CASP5: variants seen among roughly 807,000 people sequenced by gnomAD.
CASP5 encodes the protein caspase-5.
In CASP5, 42 loss-of-function variants were observed where a neutral mutation model predicts 45.2. That is an observed-to-expected ratio of 0.93 (90% confidence interval 0.73 to 1.20). The LOEUF is 1.20. Ranked by LOEUF, CASP5 falls within the 50% of genes most tolerant of loss-of-function variation. CASP5 has a pLI of 0.00. For synonymous variants in CASP5, 209 were observed against 186.2 expected (o/e 1.12, Z -1.00); for missense variants, 512 against 532.2 (o/e 0.96, Z 0.37).
chr11:104,996,762 A>G (rs1049996734), intron 8 of CASP5, among the ~76,000 whole-genome samples: 7 of 152,196 alleles, frequency 4.6e-5, no homozygotes, highest in African/African-American at 1.4e-4. Context: ...CTATTAATAT[A>G]TGCTTAATGG....
At chr11:104,998,806 G>A (rs1222256553) in intron 7 of CASP5, 79 bp downstream of exon 7, 8 of 1,370,966 alleles carry the variant, frequency 5.8e-6, no homozygotes, top group African/African-American at 5.7e-5. Flanking sequence ...GTTGCATAGG[G>A]CCTATCTTGA....
In CASP5 at chr11:105,002,220, A is replaced by T. The variant is rs1258315506; in HGVS notation, c.544-19T>A. ...GATAGATCTGCAGGAGATGGAGATG[A>T]AGCAACTTTGATTACCCGAGTCTCT... On this transcript the variant is annotated intron_variant, in intron 4 of 9. Coordinates refer to ENST00000260315, the MANE Select transcript of CASP5 (RefSeq NM_004347.5). The T allele has an allele frequency of 6.2e-7, 1 of 1,611,370 alleles. No homozygotes were observed. Among genetic ancestry groups the T allele is most frequent in the Non-Finnish European group, 8.5e-7 (1 of 1,178,826 alleles).
intron 4 of CASP5, among the ~76,000 whole-genome samples, 178 bp downstream of exon 4, chr11:105,003,096 A>G (rs1861823454): frequency 6.6e-6 from 1 of 152,120 alleles, no homozygotes; most frequent in African/African-American, 2.4e-5. Flanking sequence ...ACTACTTGGG[A>G]GGCTGAGGCT....
In CASP5 at chr11:105,007,318, T is replaced by A; in HGVS notation, c.198A>T (p.Lys66Asn). The change falls in exon 3 of 10, where the codon AAA becomes AAT. Residue 66 changes from lysine (K) to asparagine (N), a missense_variant. Coordinates refer to ENST00000260315, the MANE Select transcript of CASP5 (RefSeq NM_004347.5). ...STSVKKDNHK[K>N]KTVKMLEYLG... ...GGTATTCCAACATCTTAACTGTTTT[T>A]TTTTTGTGGTTGTCTTCTGTCAGAA... The A allele has an allele frequency of 1.9e-6, 3 of 1,596,804 alleles. No homozygotes were observed. Among genetic ancestry groups the A allele is most frequent in the Non-Finnish European group, 2.5e-6 (3 of 1,177,306 alleles).
intron 2 of CASP5, among the ~76,000 whole-genome samples, chr11:105,007,687 C>T (rs1023403705): frequency 7.2e-5 from 11 of 152,120 alleles, no homozygotes; most frequent in Admixed American, 2.0e-4. Context: ...TGGACACTCC[C>T]AGGACAGTCC....
intron 3 of CASP5, among the ~76,000 whole-genome samples, chr11:105,003,640 A>T (rs181069616): frequency 1.3e-3 from 205 of 151,930 alleles, no homozygotes; most frequent in Admixed American, 4.0e-3. Flanking sequence ...AATCTTGATG[A>T]TTTAAAGTTA....
intron 1 of CASP5, among the ~76,000 whole-genome samples, chr11:105,021,167 ATTAAAGAC>A (rs572375825): frequency 0.056 from 8,515 of 151,786 alleles, 232 homozygotes; most frequent in African/African-American, 0.062. Flanking sequence ...TTCAAGATGG[ATTAAAGAC>A]TTAAAAGTTA....
At chr11:104,995,416 AAGAG>A (rs1861416185) in intron 9 of CASP5, among the ~76,000 whole-genome samples, 1 of 151,880 alleles carries the variant, frequency 6.6e-6, no homozygotes, top group Non-Finnish European at 1.5e-5. Flanking sequence ...GAGAGAGACA[AAGAG>A]AGGGAGTGTA....
intron 1 of CASP5, among the ~76,000 whole-genome samples, chr11:105,013,268 A>C (rs1862439504): frequency 1.3e-5 from 2 of 152,070 alleles, no homozygotes; most frequent in Admixed American, 6.6e-5. Flanking sequence ...AGGAGGAGGC[A>C]GGAAGTTTGG....
chr11:104,998,885 G>T lies in CASP5; in HGVS notation c.1096C>A (p.His366Asn). 3 of 1,611,726 alleles carry T rather than the reference G, an allele frequency of 1.9e-6. No homozygotes were observed. The highest frequency in any genetic ancestry group is 2.5e-6 in the Non-Finnish European group (3 of 1,179,218). Reference protein sequence around the residue: ...DFIAFCSSTPHNVSWRDRTRG... With the variant: ...DFIAFCSSTPNNVSWRDRTRG... ...TTGACTGTTACTAAAAGACACATAC[G>T]TGGTGTTGAAGAACAGAAAGCAATG... The change falls in exon 7 of 10, where the codon CAT becomes AAT. Residue 366 changes from histidine (H) to asparagine (N), a missense_variant and splice_region_variant. His to Asn is a moderately conservative substitution (Grantham distance 68). Coordinates refer to ENST00000260315, the MANE Select transcript of CASP5 (RefSeq NM_004347.5).
In CASP5 at chr11:105,000,466, A is replaced by G. The variant is rs45501691; in HGVS notation, c.747T>C (p.Ala249=). 7.3e-3 allele frequency: 11,835 copies of G among 1,614,148 alleles called. 813 individuals carry two copies. In the African/African-American group the frequency reaches 0.14, roughly 19 times the overall value. The change falls in exon 6 of 10, where the codon GCT becomes GCC. Residue 249 remains alanine (A), a synonymous_variant. Coordinates refer to ENST00000260315, the MANE Select transcript of CASP5 (RefSeq NM_004347.5). ...CAGAGGACTTGTGCTCTGGTCTGGC[A>G]GCAAATGCCCTCAGCACTGACTCCA... is the stretch of plus-strand genomic sequence containing the variant. The part of the protein sequence containing the change: ...RDMESVLRAF[A]ARPEHKSSDS...
At chr11:105,009,758 T>TATATATATATATAC (rs1555079440) in intron 1 of CASP5, among the ~76,000 whole-genome samples, 4 of 90,270 alleles carry the variant, frequency 4.4e-5, no homozygotes, top group East Asian at 6.2e-4. Context: ...TATATATATA[T>TATATATATATATAC]ACACACACAC....
chr11:105,009,816 T>C (rs11226577), intron 1 of CASP5, among the ~76,000 whole-genome samples: 33,009 of 105,434 alleles, frequency 0.31, 5,752 homozygotes, highest in African/African-American at 0.43. Context: ...TACACACACA[T>C]ATATATATAC....
chr11:104,997,278 T>G (rs1861507701), intron 8 of CASP5, 105 bp downstream of exon 8: 1 of 816,728 alleles, frequency 1.2e-6, no homozygotes, highest in Admixed American at 1.9e-5. Context: ...GCCATACTAC[T>G]TTTGCTTGCC....
chr11:105,013,384 ATTGT>A (rs35809430), intron 1 of CASP5, among the ~76,000 whole-genome samples: 14,295 of 152,044 alleles, frequency 0.094, 943 homozygotes, highest in Admixed American at 0.21. Flanking sequence ...ATTCTTGAAA[ATTGT>A]TTGACAGTGT....
At chr11:104,999,207 C>T (rs765206988) in intron 6 of CASP5, among the ~76,000 whole-genome samples, 179 bp from the exon 7 acceptor site, 3 of 152,092 alleles carry the variant, frequency 2.0e-5, no homozygotes, top group African/African-American at 7.2e-5. Context: ...TTCCCCTTGT[C>T]GCCCACCCCC....
chr11:105,001,930 A>T, intron 5 of CASP5, 98 bp downstream of exon 5: 1 of 1,203,746 alleles, frequency 8.3e-7, no homozygotes, highest in Non-Finnish European at 1.2e-6. Flanking sequence ...ACGAACCCAG[A>T]GGTTGTTAAA....
intron 1 of CASP5, among the ~76,000 whole-genome samples, chr11:105,009,858 T>C (rs1353563244): frequency 7.2e-6 from 1 of 139,298 alleles, no homozygotes; most frequent in East Asian, 2.0e-4. Context: ...TATACACATA[T>C]ATATACATAT....
chr11:104,999,148 A>AT (rs1220411694), intron 6 of CASP5, 120 bp from the exon 7 acceptor site: 1 of 831,158 alleles, frequency 1.2e-6, no homozygotes. Context: ...TGCACCTATC[A>AT]TATAGGTTTT....
Sources: gnomAD v4.1 joint callset for allele counts (sites outside exome capture counted in the v4.1 genomes callset) on GRCh38, gnomAD v4.1.1 for gene constraint, MANE v1.5 for transcripts, NCBI Gene and HGNC (gene_info 2026-07-23, HGNC 2026-07-21) for gene names.